The following KSR1 variants were observed in gnomAD, a reference collection of about 807,000 sequenced individuals.
KSR1 encodes the protein kinase suppressor of ras 1, also known as kinase suppressor of ras.
In KSR1, 35 loss-of-function variants were observed where a neutral mutation model predicts 92.9. The ratio of observed to expected loss-of-function variants is 0.38; its 90% CI spans 0.29 to 0.50. The LOEUF is 0.50. Ranked by LOEUF, KSR1 falls within the 20% of genes least tolerant of loss-of-function variation. The pLI is 0.94. For missense variants in KSR1, 972 were observed against 1,158.5 expected (o/e 0.84, Z 2.34); for synonymous variants, 467 against 472.6 (o/e 0.99, Z 0.15).
chr17:27,565,565 C>T (rs968519106), intron 2 of KSR1, among the ~76,000 whole-genome samples: 1 of 152,206 alleles, frequency 6.6e-6, no homozygotes, highest in African/African-American at 2.4e-5. Context: ...GCTGGGACTA[C>T]AAGCACACCA....
At chr17:27,471,095 C>T (rs1481662391) in intron 1 of KSR1, among the ~76,000 whole-genome samples, 1 of 152,186 alleles carries the variant, frequency 6.6e-6, no homozygotes, top group Non-Finnish European at 1.5e-5. Flanking sequence ...TCTCAAACTC[C>T]TGGCCTCAAG....
In KSR1 at chr17:27,526,746, T is replaced by C. The variant is rs940165100; in HGVS notation, c.232-23822T>C. 2.3e-5 allele frequency: 29 copies of C among 1,243,098 alleles called. No individual in the cohort carries two copies. The African/African-American group carries it at 3.6e-4, about 15-fold the overall frequency. The allele number at this position is 1,243,098 out of a possible 1,614,324, so 77.0% of individuals were successfully genotyped here. ...GTCCTCTCACGTGTTGGAAAACGTATGAACTCTTTCTCATCATCGCACAGT... is the reference window on the plus strand; with the variant it reads ...GTCCTCTCACGTGTTGGAAAACGTACGAACTCTTTCTCATCATCGCACAGT... On this transcript the variant is annotated intron_variant, in intron 1 of 20. Coordinates refer to ENST00000644974, the MANE Select transcript of KSR1 (RefSeq NM_001394583.1).
Position 27,537,563 on chromosome 17 carries a change from C to T in KSR1, c.232-13005C>T, listed in dbSNP as rs546495808. Among the ~76,000 whole-genome samples the T allele has an allele frequency of 4.6e-5, 7 of 152,214 alleles. No homozygotes were observed. In the South Asian group the frequency reaches 1.2e-3, roughly 27 times the overall value. On this transcript the variant is annotated intron_variant, in intron 1 of 20. Coordinates refer to ENST00000644974, the MANE Select transcript of KSR1 (RefSeq NM_001394583.1). The stretch of plus-strand genomic sequence containing the variant: ...AAATTTAGCTGAGCGTGGTGGCGGG[C>T]ACCTGTAATCGCAGCTACTTGGGAG...
intron 1 of KSR1, among the ~76,000 whole-genome samples, chr17:27,509,697 G>A (rs1186927687): frequency 1.3e-5 from 2 of 152,040 alleles, no homozygotes; most frequent in Non-Finnish European, 2.9e-5. Flanking sequence ...CAAAATAGCT[G>A]GATGTGGTTG....
intron 1 of KSR1, among the ~76,000 whole-genome samples, chr17:27,541,506 A>G (rs915949288): frequency 6.6e-6 from 1 of 152,192 alleles, no homozygotes; most frequent in African/African-American, 2.4e-5. Flanking sequence ...GGTGTGGGCA[A>G]GCCTGTGGCT....
intron 2 of KSR1, among the ~76,000 whole-genome samples, chr17:27,570,185 C>T (rs1598049586): frequency 2.0e-5 from 3 of 152,214 alleles, no homozygotes; most frequent in Non-Finnish European, 4.4e-5. Context: ...TCTGGAAAGT[C>T]ATATGTGACC....
Position 27,601,306 on chromosome 17 carries a change from C to T in KSR1, c.1469-54C>T, listed in dbSNP as rs2073548555. 4.6e-6 allele frequency: 7 copies of T among 1,510,434 alleles called. No homozygotes were observed. In the Admixed American group the frequency reaches 1.2e-4, roughly 26 times the overall value. The allele number at this position is 1,510,434 out of a possible 1,614,324, so 93.6% of individuals were successfully genotyped here. ...AGCCGGTACCTGCAATTCCGCTCCT[C>T]CCTCCTGCGTTGGCCGTTCTGTGTG... On this transcript the variant is annotated intron_variant, in intron 10 of 20. Coordinates refer to ENST00000644974, the MANE Select transcript of KSR1 (RefSeq NM_001394583.1).
chr17:27,535,835 C>A (rs2070733833), intron 1 of KSR1, among the ~76,000 whole-genome samples: 1 of 152,214 alleles, frequency 6.6e-6, no homozygotes, highest in African/African-American at 2.4e-5. Flanking sequence ...AAGGCTCAGA[C>A]ATTTAATTGC....
chr17:27,546,190 T>C (rs1347595880), intron 1 of KSR1, among the ~76,000 whole-genome samples: 1 of 152,210 alleles, frequency 6.6e-6, no homozygotes, highest in African/African-American at 2.4e-5. Context: ...TTTCTTCCTC[T>C]GGCACTCCTG....
At chr17:27,474,931 A>C (rs933713071) in intron 1 of KSR1, among the ~76,000 whole-genome samples, 3 of 152,270 alleles carry the variant, frequency 2.0e-5, no homozygotes, top group Admixed American at 6.5e-5. Flanking sequence ...CACACACACT[A>C]AGGAAAATGT....
At chr17:27,618,587 C>T (rs1482934997) in intron 19 of KSR1, among the ~76,000 whole-genome samples, 2 of 152,234 alleles carry the variant, frequency 1.3e-5, no homozygotes, top group South Asian at 2.1e-4. Flanking sequence ...ATCTCTGTCA[C>T]AGCATCTCAG....
chr17:27,526,049 TC>T lies in KSR1; in HGVS notation c.232-24518del, dbSNP rs1299708644. The stretch of plus-strand genomic sequence containing the variant: ...TTTCTTTTCTTTTCTTTTCTTTCTC[TC>T]TCTCTCTCTCTCTTTCTTTCTCTTT... On this transcript the variant is annotated intron_variant, in intron 1 of 20. Transcript: ENST00000644974. 1.3e-3 allele frequency among the ~76,000 whole-genome samples: 172 copies of T among 131,750 alleles called. 1 individual carries two copies. Among genetic ancestry groups the T allele is most frequent in the Middle Eastern group, 7.4e-3 (2 of 270 alleles). 86.4% of individuals were successfully genotyped at this position (131,750 alleles called of 152,430 possible). A position where few individuals can be genotyped will look rare whatever the true frequency, so the allele number is the denominator to read the frequency against.
chr17:27,517,763 C>T (rs1018648121), intron 1 of KSR1, among the ~76,000 whole-genome samples: 1 of 152,156 alleles, frequency 6.6e-6, no homozygotes, highest in African/African-American at 2.4e-5. Context: ...ACCCTTGGCC[C>T]ACTTCTGTAT....
chr17:27,468,362 A>G (rs2019810596), intron 1 of KSR1, among the ~76,000 whole-genome samples: 1 of 151,962 alleles, frequency 6.6e-6, no homozygotes, highest in Non-Finnish European at 1.5e-5. Flanking sequence ...CTGCCTCCCA[A>G]GTAGCTGGGA....
At position 27,586,192 on chromosome 17, in the gene KSR1, A is replaced by G. The variant is rs11869870; in HGVS notation, c.985+531A>G. ...AGAAGCCCCTTTGGGAGGAGAGGAC[A>G]CCTGGGCAACCCTTGACCCCCTTTC... On this transcript the variant is annotated intron_variant, in intron 5 of 20. Coordinates refer to ENST00000644974, the MANE Select transcript of KSR1 (RefSeq NM_001394583.1). 6.6e-4 allele frequency among the ~76,000 whole-genome samples: 101 copies of G among 152,276 alleles called. 1 individual carries two copies. The highest frequency in any genetic ancestry group is 2.3e-3 in the African/African-American group (96 of 41,568).
chr17:27,582,567 A>G, intron 3 of KSR1, 79 bp from the exon 4 acceptor site: 1 of 1,299,138 alleles, frequency 7.7e-7, no homozygotes, highest in Non-Finnish European at 1.1e-6. Flanking sequence ...CAGGTGTTGA[A>G]CATCTCTGGC....
At chr17:27,498,438 C>G (rs1431999196) in intron 1 of KSR1, among the ~76,000 whole-genome samples, 2 of 152,022 alleles carry the variant, frequency 1.3e-5, no homozygotes, top group Non-Finnish European at 1.5e-5. Context: ...AGGGAAACAG[C>G]TCAGGAGTTT....
At chr17:27,489,378 T>G (rs1262518083) in intron 1 of KSR1, among the ~76,000 whole-genome samples, 1 of 152,176 alleles carries the variant, frequency 6.6e-6, no homozygotes, top group Non-Finnish European at 1.5e-5. Flanking sequence ...CTTCCTGCAG[T>G]GGGGAATGAG....
chr17:27,602,166 A>T (rs1349790512), intron 11 of KSR1, among the ~76,000 whole-genome samples: 1 of 151,732 alleles, frequency 6.6e-6, no homozygotes. Flanking sequence ...TATTTTGGTT[A>T]CTCCAGGCTT....
Sources: gnomAD v4.1 joint callset for allele counts (sites outside exome capture counted in the v4.1 genomes callset) on GRCh38, gnomAD v4.1.1 for gene constraint, MANE v1.5 for transcripts, NCBI Gene and HGNC (gene_info 2026-07-23, HGNC 2026-07-21) for gene names.